Variants in PLEKHA5 observed in about 807,000 individuals in gnomAD.
PLEKHA5 encodes the protein pleckstrin homology domain containing A5, also known as pleckstrin homology domain-containing family A member 5.
Under a neutral mutation model 181.9 loss-of-function variants are expected in PLEKHA5, and 55 were observed. That is an observed-to-expected ratio of 0.30 (90% CI 0.24 to 0.38). The LOEUF is 0.38. Ranked by LOEUF, PLEKHA5 falls within the 10% of genes least tolerant of loss-of-function variation. The pLI is 1.00. For synonymous variants in PLEKHA5, 535 were observed against 529.4 expected, an observed-to-expected ratio of 1.01 and a Z score of -0.15; for missense variants, 1,432 against 1,549.5, an observed-to-expected ratio of 0.92 and a Z score of 1.27.
intron 10 of PLEKHA5, 70 bp from the exon 11 acceptor site, chr12:19,274,446 A>G (rs2073978102): frequency 1.8e-6 from 2 of 1,095,212 alleles, no homozygotes; most frequent in Non-Finnish European, 2.6e-6. Flanking sequence ...AATTTTTCCT[A>G]GATTGAATCC....
chr12:19,212,830 TTG>T (rs2057202445), intron 3 of PLEKHA5, among the ~76,000 whole-genome samples: 1 of 89,924 alleles, frequency 1.1e-5, no homozygotes, highest in Non-Finnish European at 2.2e-5. Flanking sequence ...GGGTTTTTTT[TTG>T]TTGTTTTTTT....
chr12:19,348,583 T>C (rs1241533947), intron 25 of PLEKHA5, 64 bp downstream of exon 25: 2 of 1,276,508 alleles, frequency 1.6e-6, no homozygotes, highest in East Asian at 5.2e-5. Flanking sequence ...ACTGCCAAAA[T>C]AGTAGTAAAT....
intron 25 of PLEKHA5, among the ~76,000 whole-genome samples, chr12:19,349,773 ACT>A (rs1388444512): frequency 6.6e-6 from 1 of 151,680 alleles, no homozygotes; most frequent in African/African-American, 2.4e-5. Flanking sequence ...AGAAATGGAA[ACT>A]CTACCAGCCT....
intron 3 of PLEKHA5, among the ~76,000 whole-genome samples, chr12:19,243,663 T>C (rs997424064): frequency 2.6e-5 from 4 of 152,278 alleles, no homozygotes; most frequent in African/African-American, 7.2e-5. Context: ...AAATGAAACA[T>C]TGAGGTTTGA....
intron 7 of PLEKHA5, among the ~76,000 whole-genome samples, chr12:19,263,424 T>G (rs1378563021): frequency 2.0e-5 from 3 of 152,130 alleles, no homozygotes; most frequent in African/African-American, 7.2e-5. Context: ...AATCACGAGT[T>G]TTTGCCCCCA....
At chr12:19,319,424 T>G in intron 16 of PLEKHA5, among the ~76,000 whole-genome samples, 1 of 152,228 alleles carries the variant, frequency 6.6e-6, no homozygotes, top group Non-Finnish European at 1.5e-5. Flanking sequence ...AGTTATCTCC[T>G]GTTTAAATGA....
chr12:19,249,710 T>C (rs2064755594), intron 3 of PLEKHA5, among the ~76,000 whole-genome samples: 1 of 152,150 alleles, frequency 6.6e-6, no homozygotes, highest in Non-Finnish European at 1.5e-5. Context: ...CTTTATTCAG[T>C]TGAGACACAG....
chr12:19,188,697 T>C (rs73345049), intron 3 of PLEKHA5, among the ~76,000 whole-genome samples: 15,773 of 152,282 alleles, frequency 0.1, 1,089 homozygotes, highest in African/African-American at 0.2. Context: ...ATTAATAAAC[T>C]TGTAATCCCT....
chr12:19,363,652 C>CAG lies in PLEKHA5; in HGVS notation c.3608+1947_3608+1948dup, dbSNP rs200522189. Among the ~76,000 whole-genome samples, 1,023 of 151,230 alleles carry CAG rather than the reference C, an allele frequency of 6.8e-3. 10 individuals are homozygous for CAG. The highest frequency in any genetic ancestry group is 0.024 in the African/African-American group (969 of 41,212). ...GATTACAAGCGTGTGCCACCATGCC[C>CAG]AGCTAATTTTTGTATTTTTAGTAGA... On this transcript the variant is annotated intron_variant, in intron 29 of 31. Coordinates refer to ENST00000429027, the MANE Select transcript of PLEKHA5 (RefSeq NM_001256470.2).
intron 13 of PLEKHA5, among the ~76,000 whole-genome samples, chr12:19,290,349 AT>A (rs2078145978): frequency 6.6e-6 from 1 of 152,156 alleles, no homozygotes; most frequent in Non-Finnish European, 1.5e-5. Flanking sequence ...TCTTTTAATA[AT>A]TTTTTAGTAG....
At chr12:19,293,587 C>CT (rs1268997795) in intron 15 of PLEKHA5, among the ~76,000 whole-genome samples, 7 of 152,008 alleles carry the variant, frequency 4.6e-5, no homozygotes, top group Non-Finnish European at 1.0e-4. Context: ...GCAAATAGTC[C>CT]TAAAAAATAG....
chr12:19,236,666 T>C (rs775909972), intron 3 of PLEKHA5, among the ~76,000 whole-genome samples: 6 of 152,216 alleles, frequency 3.9e-5, no homozygotes, highest in Non-Finnish European at 7.3e-5. Context: ...CAGTAAACGT[T>C]TTCTTCAGTA....
intron 11 of PLEKHA5, among the ~76,000 whole-genome samples, chr12:19,275,407 G>A (rs2074216873): frequency 1.3e-5 from 2 of 152,138 alleles, no homozygotes; most frequent in Non-Finnish European, 2.9e-5. Context: ...AGGCAGCAAA[G>A]GCCTACTGCT....
chr12:19,199,374 T>C (rs557004535), intron 3 of PLEKHA5, among the ~76,000 whole-genome samples: 28 of 152,346 alleles, frequency 1.8e-4, no homozygotes, highest in South Asian at 2.1e-4. Flanking sequence ...GTGTCATTAC[T>C]TCATGACTGA....
At chr12:19,187,437 A>G (rs775385355) in intron 3 of PLEKHA5, among the ~76,000 whole-genome samples, 1 of 152,170 alleles carries the variant, frequency 6.6e-6, no homozygotes, top group Non-Finnish European at 1.5e-5. Flanking sequence ...TCTTAATTAC[A>G]GTTAAGATGC....
intron 24 of PLEKHA5, 137 bp downstream of exon 24, chr12:19,347,319 T>C (rs2094384508): frequency 5.0e-6 from 2 of 402,920 alleles, no homozygotes; most frequent in African/African-American, 2.1e-5. Flanking sequence ...TTTTAGTTTA[T>C]ATATGACTTT....
chr12:19,233,712 G>A (rs539264827), intron 3 of PLEKHA5, among the ~76,000 whole-genome samples: 29 of 152,286 alleles, frequency 1.9e-4, no homozygotes, highest in Non-Finnish European at 3.7e-4. Flanking sequence ...TAGATCTTTA[G>A]TCATTATCAC....
intron 3 of PLEKHA5, among the ~76,000 whole-genome samples, chr12:19,147,553 G>A (rs58751950): frequency 6.6e-6 from 1 of 151,690 alleles, no homozygotes; most frequent in Non-Finnish European, 1.5e-5. Context: ...TTGAATGAAG[G>A]TGTTGCTGCT....
At chr12:19,197,822 A>T (rs1484234606) in intron 3 of PLEKHA5, among the ~76,000 whole-genome samples, 1 of 135,794 alleles carries the variant, frequency 7.4e-6, no homozygotes, top group African/African-American at 2.6e-5. Context: ...CCTCATCTCC[A>T]CATTCACTGA....
Sources: gnomAD v4.1 joint callset for allele counts (sites outside exome capture counted in the v4.1 genomes callset) on GRCh38, gnomAD v4.1.1 for gene constraint, MANE v1.5 for transcripts, NCBI Gene and HGNC (gene_info 2026-07-23, HGNC 2026-07-21) for gene names.